The following PABPC4L variants were observed in gnomAD, a reference collection of about 807,000 sequenced individuals.
The protein encoded by PABPC4L is poly(A) binding protein cytoplasmic 4 like.
For synonymous variants in PABPC4L, 169 were observed against 164.1 expected, an observed-to-expected ratio of 1.03 and a Z score of -0.23; for missense variants, 452 against 451.4, an observed-to-expected ratio of 1.00 and a Z score of -0.01.
chr4:133,987,102 A>G, the PABPC4L span, among the ~76,000 whole-genome samples: 1 of 152,140 alleles, frequency 6.6e-6, no homozygotes, highest in South Asian at 2.1e-4. Flanking sequence ...TAACTCATCT[A>G]ACAATTTCAA....
At chr4:133,977,851 A>C in the PABPC4L span, 1 of 152,196 alleles carries the variant, frequency 6.6e-6, no homozygotes. Context: ...TCCCAGGTAC[A>C]TGGTATGGTA....
the PABPC4L span, among the ~76,000 whole-genome samples, chr4:133,951,288 C>G: frequency 6.6e-6 from 1 of 152,032 alleles, no homozygotes; most frequent in Non-Finnish European, 1.5e-5. Context: ...CCTCTTTATT[C>G]TTCTCTCTTT....
the PABPC4L span, among the ~76,000 whole-genome samples, chr4:134,088,598 G>A: frequency 6.6e-6 from 1 of 151,932 alleles, no homozygotes; most frequent in African/African-American, 2.4e-5. Flanking sequence ...GATGGGATTA[G>A]GGCCTTTATA....
chr4:134,073,582 C>T, the PABPC4L span, among the ~76,000 whole-genome samples: 4 of 152,180 alleles, frequency 2.6e-5, no homozygotes, highest in African/African-American at 9.6e-5. Flanking sequence ...CTAGGCAGTG[C>T]CCCAGTGGGG....
chr4:134,180,744 A>G, the PABPC4L span, among the ~76,000 whole-genome samples: 1 of 151,920 alleles, frequency 6.6e-6, no homozygotes, highest in Non-Finnish European at 1.5e-5. Context: ...AGAGATTATT[A>G]TAAAAACCTC....
the PABPC4L span, among the ~76,000 whole-genome samples, chr4:134,033,865 C>T: frequency 6.6e-6 from 1 of 151,896 alleles, no homozygotes; most frequent in Admixed American, 6.6e-5. Context: ...TGAAGCATCA[C>T]ATGCTAATGG....
chr4:133,987,170 G>T, the PABPC4L span, among the ~76,000 whole-genome samples: 2 of 152,072 alleles, frequency 1.3e-5, no homozygotes, highest in African/African-American at 2.4e-5. Flanking sequence ...TGTTTTTAAC[G>T]AAGACAAATG....
At chr4:134,024,765 T>C in the PABPC4L span, among the ~76,000 whole-genome samples, 172 of 151,524 alleles carry the variant, frequency 1.1e-3, no homozygotes, top group African/African-American at 4.1e-3. Flanking sequence ...TAAGTTCTTA[T>C]TGAACATGAA....
At chr4:134,109,970 T>G in the PABPC4L span, among the ~76,000 whole-genome samples, 1 of 152,060 alleles carries the variant, frequency 6.6e-6, no homozygotes, top group African/African-American at 2.4e-5. Flanking sequence ...AACAAAAAAC[T>G]GCTTTGCAGA....
chr4:134,054,147 C>T, the PABPC4L span, among the ~76,000 whole-genome samples: 359 of 150,084 alleles, frequency 2.4e-3, no homozygotes, highest in Admixed American at 3.8e-3. Flanking sequence ...AATTAACAAG[C>T]TTAATTTAGT....
chr4:134,044,750 CAT>C, the PABPC4L span, among the ~76,000 whole-genome samples: 2 of 152,166 alleles, frequency 1.3e-5, no homozygotes, highest in African/African-American at 4.8e-5. Flanking sequence ...ATATTTTCAA[CAT>C]ATGTTAATAT....
At chr4:134,138,882 T>C in the PABPC4L span, among the ~76,000 whole-genome samples, 3 of 151,908 alleles carry the variant, frequency 2.0e-5, no homozygotes, top group Non-Finnish European at 2.9e-5. Flanking sequence ...GCTGCAGACA[T>C]TGGATTTTCA....
chr4:134,130,165 G>A, the PABPC4L span, among the ~76,000 whole-genome samples: 1 of 150,544 alleles, frequency 6.6e-6, no homozygotes, highest in Non-Finnish European at 1.5e-5. Flanking sequence ...CCAAAACCTA[G>A]CAGAAGAAAA....
At chr4:134,178,889 T>C in the PABPC4L span, among the ~76,000 whole-genome samples, 1 of 151,810 alleles carries the variant, frequency 6.6e-6, no homozygotes, top group Non-Finnish European at 1.5e-5. Context: ...AGGAAAAAAA[T>C]GGGATTATGT....
chr4:134,066,480 T>C, the PABPC4L span, among the ~76,000 whole-genome samples: 1 of 152,054 alleles, frequency 6.6e-6, no homozygotes, highest in Non-Finnish European at 1.5e-5. Flanking sequence ...AATCATACTG[T>C]CTGGAAGCAG....
At chr4:134,038,625 T>A in the PABPC4L span, among the ~76,000 whole-genome samples, 1 of 152,140 alleles carries the variant, frequency 6.6e-6, no homozygotes, top group South Asian at 2.1e-4. Context: ...GTTTATAGTA[T>A]TTTCTGATGG....
chr4:133,958,285 T>C, the PABPC4L span, among the ~76,000 whole-genome samples: 1 of 152,122 alleles, frequency 6.6e-6, no homozygotes, highest in East Asian at 1.9e-4. Context: ...TGACCTTTGC[T>C]CCAGTTTCCA....
the PABPC4L span, among the ~76,000 whole-genome samples, chr4:134,176,690 C>T: frequency 6.6e-6 from 1 of 151,976 alleles, no homozygotes; most frequent in South Asian, 2.1e-4. Context: ...GGACACAGAA[C>T]AGAGGGGAGA....
At chr4:134,041,645 G>A in the PABPC4L span, among the ~76,000 whole-genome samples, 2 of 151,970 alleles carry the variant, frequency 1.3e-5, no homozygotes, top group South Asian at 2.1e-4. Flanking sequence ...GCAAACCACC[G>A]TGGCACGTGT....
Sources: gnomAD v4.1 joint callset for allele counts (sites outside exome capture counted in the v4.1 genomes callset) on GRCh38, gnomAD v4.1.1 for gene constraint, MANE v1.5 for transcripts, NCBI Gene and HGNC (gene_info 2026-07-23, HGNC 2026-07-21) for gene names.